The following GALNT15 variants were observed in gnomAD, a reference collection of about 807,000 sequenced individuals.
GALNT15 encodes the protein polypeptide N-acetylgalactosaminyltransferase 15.
A neutral mutation model predicts 66.8 loss-of-function variants in GALNT15; 67 were observed. That is an observed-to-expected ratio of 1.00 (90% CI 0.82 to 1.23). The LOEUF (loss-of-function observed/expected upper bound fraction) is 1.23. Among genes scored for constraint, GALNT15 ranks in the 50% most tolerant of loss-of-function variants. The pLI is 0.00. For synonymous variants in GALNT15, 313 were observed against 311.5 expected (o/e 1.00, Z -0.05); for missense variants, 827 against 804.3 (o/e 1.03, Z -0.34).
intron 8 of GALNT15, 56 bp downstream of exon 8, chr3:16,220,070 C>T (rs928952573): frequency 6.1e-5 from 83 of 1,358,740 alleles, no homozygotes; most frequent in Admixed American, 6.7e-5. Flanking sequence ...TGAAAGTGGG[C>T]GATATTTTTC....
At chr3:16,207,895 A>G (rs1419149852) in intron 3 of GALNT15, among the ~76,000 whole-genome samples, 4 of 152,192 alleles carry the variant, frequency 2.6e-5, no homozygotes, top group Non-Finnish European at 5.9e-5. Context: ...GCAGCTGAGA[A>G]AGGCCTTTGT....
intron 6 of GALNT15, among the ~76,000 whole-genome samples, chr3:16,214,138 A>G (rs887152261): frequency 6.6e-6 from 1 of 152,238 alleles, no homozygotes; most frequent in Non-Finnish European, 1.5e-5. Context: ...TGCTAACAGC[A>G]GCCTCCTTCG....
the GALNT15 span, among the ~76,000 whole-genome samples, chr3:16,245,225 C>T: frequency 6.6e-6 from 1 of 152,200 alleles, no homozygotes; most frequent in Non-Finnish European, 1.5e-5. Flanking sequence ...ATTGGCGCCT[C>T]CTTCTGCCCC....
intron 6 of GALNT15, among the ~76,000 whole-genome samples, chr3:16,214,485 C>G (rs746165508): frequency 1.3e-5 from 2 of 152,186 alleles, no homozygotes; most frequent in African/African-American, 4.8e-5. Flanking sequence ...TAGATGAGTG[C>G]CTGGCACTGA....
rs1426171097 is a variant in GALNT15 at position 16,184,926 on chromosome 3, G to C, written c.539+9236G>C. ...CTGGCTGAGCACAGCTCACTGGGGTGGGGTAGGGGTTAATTTTCCAGCTCT... is the reference window on the plus strand; with the variant it reads ...CTGGCTGAGCACAGCTCACTGGGGTCGGGTAGGGGTTAATTTTCCAGCTCT... On this transcript the variant is annotated intron_variant, in intron 1 of 9. Coordinates refer to ENST00000339732, the MANE Select transcript of GALNT15 (RefSeq NM_054110.5). The surrounding 1 kb of genome is among the most constrained non-coding windows in gnomAD (Gnocchi z 5.0). 6.6e-6 allele frequency among the ~76,000 whole-genome samples: 1 copy of C among 152,194 alleles called. No individual in the cohort carries two copies. The highest frequency in any genetic ancestry group is 1.5e-5 in the Non-Finnish European group (1 of 68,024).
intron 1 of GALNT15, among the ~76,000 whole-genome samples, chr3:16,178,109 T>C (rs1261144703): frequency 6.6e-6 from 1 of 152,180 alleles, no homozygotes; most frequent in Non-Finnish European, 1.5e-5. Flanking sequence ...TGCGTATGTA[T>C]TCTTTGTGTG....
In GALNT15 at chr3:16,227,947, C is replaced by T. The variant is rs2064040782; in HGVS notation, c.*447C>T. ...TTAAAGAGTGAAGCAGATGTAATGG[C>T]CTGACATTCCAAAAACTCTGAATTG... On this transcript the variant is annotated 3_prime_UTR_variant, in exon 10 of 10. Transcript: ENST00000339732. This position sits in a 1 kb window ranked among gnomAD's most constrained non-coding sequence, Gnocchi z 4.5. 1 of 994,898 alleles carries T rather than the reference C, an allele frequency of 1.0e-6. No individual in the cohort carries two copies. The highest frequency in any genetic ancestry group is 5.9e-5 in the Admixed American group (1 of 16,918). 61.6% of individuals were successfully genotyped at this position (994,898 alleles called of 1,614,324 possible).
At chr3:16,210,908 A>C (rs533899676) in intron 4 of GALNT15, among the ~76,000 whole-genome samples, 1 of 152,338 alleles carries the variant, frequency 6.6e-6, no homozygotes, top group South Asian at 2.1e-4. Context: ...AGAGTATAGA[A>C]GGCCCAGGCA....
At chr3:16,241,331 A>G in the GALNT15 span, among the ~76,000 whole-genome samples, 3 of 152,166 alleles carry the variant, frequency 2.0e-5, no homozygotes, top group Admixed American at 2.0e-4. This position sits in a 1 kb window ranked among gnomAD's most constrained non-coding sequence, Gnocchi z 4.6. Context: ...AAGCAGAATG[A>G]AAGTGGAAAA....
chr3:16,177,363 G>T (rs1225769691), intron 1 of GALNT15, among the ~76,000 whole-genome samples: 1 of 152,228 alleles, frequency 6.6e-6, no homozygotes, highest in African/African-American at 2.4e-5. Context: ...CTGTGTGTTT[G>T]CATAGTGCAA....
At position 16,183,937 on chromosome 3, in the gene GALNT15, C is replaced by T. The variant is rs147548128; in HGVS notation, c.539+8247C>T. ...GAGGGTGTGCATCTGTATGTAAACA[C>T]AAGACACCAGACTCCTCTGATCTTG... On this transcript the variant is annotated intron_variant, in intron 1 of 9. Transcript: ENST00000339732. This position sits in a 1 kb window ranked among gnomAD's most constrained non-coding sequence, Gnocchi z 5.2. 2.0e-5 allele frequency among the ~76,000 whole-genome samples: 3 copies of T among 152,332 alleles called. No homozygotes were observed. Among genetic ancestry groups the T allele is most frequent in the Admixed American group, 6.5e-5 (1 of 15,304 alleles).
At chr3:16,216,829 C>T (rs777259825) in intron 6 of GALNT15, among the ~76,000 whole-genome samples, 44 of 152,218 alleles carry the variant, frequency 2.9e-4, no homozygotes, top group Non-Finnish European at 5.7e-4. Flanking sequence ...ACCATTTTGC[C>T]TCTTAGTGCA....
chr3:16,233,354 C>A (rs1575005461), downstream of GALNT15, among the ~76,000 whole-genome samples: 1 of 151,982 alleles, frequency 6.6e-6, no homozygotes. Flanking sequence ...CTCAGCCTCC[C>A]AAAGTGTTAG....
rs1240820703 is a variant in GALNT15 at position 16,188,543 on chromosome 3, G to A, written c.540-7217G>A. ...GCTCACTGAAGCACCCACAGGGCAA[G>A]AGTCACATCTCCCTGGCTGGTGTTT... On this transcript the variant is annotated intron_variant, in intron 1 of 9. Transcript: ENST00000339732. This position sits in a 1 kb window ranked among gnomAD's most constrained non-coding sequence, Gnocchi z 4.6. Among the ~76,000 whole-genome samples, 1 of 152,220 alleles carries A rather than the reference G, an allele frequency of 6.6e-6. No homozygotes were observed. The highest frequency in any genetic ancestry group is 1.5e-5 in the Non-Finnish European group (1 of 68,038).
intron 1 of GALNT15, among the ~76,000 whole-genome samples, chr3:16,178,585 C>A (rs2063437330): frequency 6.6e-6 from 1 of 152,198 alleles, no homozygotes; most frequent in Non-Finnish European, 1.5e-5. Flanking sequence ...CCTCTCCAGT[C>A]TGCGGTTCAA....
Position 16,209,110 on chromosome 3 carries a change from C to T in GALNT15, c.1079+440C>T, listed in dbSNP as rs1230750978. 6.6e-6 allele frequency among the ~76,000 whole-genome samples: 1 copy of T among 152,172 alleles called. No homozygotes were observed. Among genetic ancestry groups the T allele is most frequent in the South Asian group, 2.1e-4 (1 of 4,824 alleles). ...AATTCAACCAGGTGAATGCTAAGAA[C>T]CATAGGTCTCAAATATATCCTATTG... On this transcript the variant is annotated intron_variant, in intron 4 of 9. Transcript: ENST00000339732. The surrounding 1 kb of genome is among the most constrained non-coding windows in gnomAD (Gnocchi z 4.1).
intron 5 of GALNT15, among the ~76,000 whole-genome samples, chr3:16,212,111 G>C (rs2063821631): frequency 6.6e-6 from 1 of 152,208 alleles, no homozygotes. Flanking sequence ...AGTAAAGACT[G>C]TGTCTCAGGA....
At chr3:16,216,145 T>G (rs2063874212) in intron 6 of GALNT15, among the ~76,000 whole-genome samples, 1 of 152,120 alleles carries the variant, frequency 6.6e-6, no homozygotes, top group South Asian at 2.1e-4. Flanking sequence ...TGGCTCTTGT[T>G]ATCAGTGGTG....
Position 16,212,558 on chromosome 3 carries a change from C to A in GALNT15, c.1198-11C>A. On this transcript the variant is annotated splice_polypyrimidine_tract_variant and intron_variant, in intron 5 of 9. Transcript: ENST00000339732. ...GAATGCTGAGGTGTTTATCTTTTCC[C>A]TTCGTGGCAGGCCTGGCTCTGTGGT... 1 of 1,608,958 alleles carries A rather than the reference C, an allele frequency of 6.2e-7. No individual in the cohort carries two copies. Among genetic ancestry groups the A allele is most frequent in the South Asian group, 1.1e-5 (1 of 90,472 alleles).
Sources: gnomAD v4.1 joint callset for allele counts (sites outside exome capture counted in the v4.1 genomes callset) on GRCh38, gnomAD v4.1.1 for gene constraint, Gnocchi (gnomAD v3.1) non-coding constraint, MANE v1.5 for transcripts, NCBI Gene and HGNC (gene_info 2026-07-23, HGNC 2026-07-21) for gene names.